OSBPL10: variants seen among roughly 807,000 people sequenced by gnomAD.
OSBPL10 encodes the protein oxysterol-binding protein-related protein 10.
In OSBPL10, 49 loss-of-function variants were observed where a neutral mutation model predicts 81.7. The ratio of observed to expected loss-of-function variants is 0.60; its 90% confidence interval spans 0.48 to 0.76. The LOEUF is 0.76. Ranked by LOEUF, OSBPL10 falls within the 30% of genes least tolerant of loss-of-function variation. The pLI is 0.00. For missense variants in OSBPL10, 923 were observed against 987.8 expected, an observed-to-expected ratio of 0.93 and a Z score of 0.88; for synonymous variants, 419 against 383.6, an observed-to-expected ratio of 1.09 and a Z score of -1.08.
chr3:31,842,296 A>G (rs964454093), intron 3 of OSBPL10, among the ~76,000 whole-genome samples: 4 of 152,234 alleles, frequency 2.6e-5, no homozygotes, highest in Non-Finnish European at 5.9e-5. Context: ...TCTCAGCCCT[A>G]TGATCATAGA....
chr3:32,064,575 G>GA (rs113701739), intron 1 of OSBPL10, among the ~76,000 whole-genome samples: 9,108 of 89,912 alleles, frequency 0.1, 2,535 homozygotes, highest in African/African-American at 0.24. Flanking sequence ...AGTTTTTAAA[G>GA]AAAAAAAAAG....
intron 1 of OSBPL10, among the ~76,000 whole-genome samples, chr3:31,927,951 C>T (rs1697123945): frequency 6.6e-6 from 1 of 152,096 alleles, no homozygotes; most frequent in Non-Finnish European, 1.5e-5. Context: ...GGCTGCCATA[C>T]AGGTAAGGAG....
chr3:31,886,020 A>G (rs568011897), intron 1 of OSBPL10, among the ~76,000 whole-genome samples: 33 of 137,784 alleles, frequency 2.4e-4, no homozygotes, highest in African/African-American at 8.7e-4. Flanking sequence ...AAAAAGAAAG[A>G]AAGAAAGAAA....
In OSBPL10 at chr3:31,989,717, AT is replaced by A. The variant is rs1559544134; in HGVS notation, n.298+56773del. The A allele has an allele frequency of 3.1e-6, 5 of 1,613,872 alleles. No individual in the cohort carries two copies. In the Admixed American group the frequency reaches 6.7e-5, roughly 22 times the overall value. ...AATAACTATGAAAATAATTTCTTCCATTCATCATTACTCACACTAAAACAGG... is the reference window on the plus strand; with the variant it reads ...AATAACTATGAAAATAATTTCTTCCATCATCATTACTCACACTAAAACAGG... On this transcript the variant is annotated intron_variant and non_coding_transcript_variant, in intron 2 of 3. Coordinates refer to the OSBPL10 transcript ENST00000479173.
chr3:31,903,330 G>GTTTT (rs11383935), intron 1 of OSBPL10, among the ~76,000 whole-genome samples: 3 of 137,394 alleles, frequency 2.2e-5, no homozygotes, highest in Non-Finnish European at 3.1e-5. Flanking sequence ...TGCTTTTTAG[G>GTTTT]TTTTTTTTTT....
intron 1 of OSBPL10, among the ~76,000 whole-genome samples, chr3:31,959,792 G>C (rs566676339): frequency 1.3e-5 from 2 of 152,238 alleles, no homozygotes; most frequent in South Asian, 4.2e-4. Flanking sequence ...CTGTAAAACA[G>C]AACTTGGGCA....
chr3:31,714,711 G>C (rs1303138049), intron 6 of OSBPL10: 1 of 152,264 alleles, frequency 6.6e-6, no homozygotes, highest in Non-Finnish European at 1.5e-5. Context: ...CTTGAGACCT[G>C]CAAGTTCCCG....
At chr3:31,964,694 T>C (rs1698263959) in intron 1 of OSBPL10, among the ~76,000 whole-genome samples, 1 of 152,178 alleles carries the variant, frequency 6.6e-6, no homozygotes, top group Non-Finnish European at 1.5e-5. Context: ...CCTCATAAAA[T>C]GAAATAAACA....
chr3:32,039,905 G>A (rs576638786), intron 2 of OSBPL10, among the ~76,000 whole-genome samples: 3 of 152,150 alleles, frequency 2.0e-5, no homozygotes, highest in Non-Finnish European at 4.4e-5. Context: ...TCTCACTCAC[G>A]GATAGGTGTG....
chr3:31,823,313 T>C (rs1354259626), intron 4 of OSBPL10, among the ~76,000 whole-genome samples: 1 of 152,212 alleles, frequency 6.6e-6, no homozygotes, highest in Non-Finnish European at 1.5e-5. Flanking sequence ...TCAGTATGCC[T>C]AGTGATTGTG....
Position 31,879,640 on chromosome 3 carries a change from GGGA to G in OSBPL10, c.457+12_457+14del. On this transcript the variant is annotated intron_variant, in intron 2 of 11. Transcript: ENST00000396556. ...CTAGAGGCCTGTCTGAAAAGTTACT[GGGA>G]GAAGAACGCACCTCTCAGTTTAAAC... 6.3e-7 allele frequency: 1 copy of G among 1,595,514 alleles called. No homozygotes were observed. Among genetic ancestry groups the G allele is most frequent in the Middle Eastern group, 1.7e-4 (1 of 5,936 alleles).
chr3:32,037,664 A>T (rs897811773), intron 2 of OSBPL10: 2 of 181,364 alleles, frequency 1.1e-5, no homozygotes, highest in African/African-American at 4.8e-5. Flanking sequence ...AAAAAGAAAA[A>T]GAAAAAAAAT....
rs2278959 is a variant in OSBPL10 at position 31,683,824 on chromosome 3, G to A, written c.1536C>T (p.His512=). 0.27 allele frequency: 434,749 copies of A among 1,614,038 alleles called. 60,240 individuals carry two copies. The highest frequency in any genetic ancestry group is 0.32 in the East Asian group (14,246 of 44,870). ...AAGGGTCATCGGCCATTGGGTGTTC[G>A]TGACAGCTGGCAGGAGAGCGGGAAG... ...RTASRSPASC[H]EHPMADDPSK... Residue 512 remains histidine (H), a synonymous_variant, in exon 8 of 12, where the codon CAC becomes CAT. Transcript: ENST00000396556.
chr3:31,763,180 G>GTGTT (rs1397039779), intron 4 of OSBPL10, among the ~76,000 whole-genome samples: 1 of 152,330 alleles, frequency 6.6e-6, no homozygotes, highest in East Asian at 1.9e-4. Flanking sequence ...TTTCATTCAA[G>GTGTT]TGTTTACATT....
chr3:31,663,002 C>T, intron 11 of OSBPL10: 1 of 985,470 alleles, frequency 1.0e-6, no homozygotes, highest in Non-Finnish European at 1.2e-6. Flanking sequence ...AAATCTCCTT[C>T]AGTCCACAGC....
chr3:32,014,858 G>A (rs1383552040), intron 2 of OSBPL10, among the ~76,000 whole-genome samples: 1 of 152,084 alleles, frequency 6.6e-6, no homozygotes, highest in East Asian at 1.9e-4. Context: ...GCTTCAAAGA[G>A]AATAAAATAC....
chr3:32,055,898 G>A (rs1013893553), intron 1 of OSBPL10, among the ~76,000 whole-genome samples: 1 of 152,144 alleles, frequency 6.6e-6, no homozygotes, highest in Non-Finnish European at 1.5e-5. Context: ...AACTCATACA[G>A]GTATTTGATG....
intron 4 of OSBPL10, among the ~76,000 whole-genome samples, chr3:31,762,627 A>G (rs1277434872): frequency 3.9e-5 from 1 of 25,616 alleles, no homozygotes; most frequent in Non-Finnish European, 6.3e-5. Flanking sequence ...CACCATGCCC[A>G]GCATTTTTTT....
intron 3 of OSBPL10, among the ~76,000 whole-genome samples, chr3:31,833,705 GCACACA>G (rs10591808): frequency 0.018 from 2,529 of 138,004 alleles, 70 homozygotes; most frequent in African/African-American, 0.064. Flanking sequence ...ACACGCACAC[GCACACA>G]CACACACACA....
Sources: allele counts gnomAD v4.1 joint callset (sites outside exome capture counted in the v4.1 genomes callset), GRCh38; gene constraint gnomAD v4.1.1; transcripts MANE v1.5; gene names NCBI Gene and HGNC (gene_info 2026-07-23, HGNC 2026-07-21).